GTPBP1: variants seen among roughly 807,000 people sequenced by gnomAD.
GTPBP1 encodes the protein GTP-binding protein 1.
In GTPBP1, 23 loss-of-function variants were observed where a neutral mutation model predicts 62.0. The observed-to-expected ratio is 0.37, with a 90% CI of 0.27 to 0.53. GTPBP1 has a LOEUF of 0.53. Ranked by LOEUF, GTPBP1 falls within the 20% of genes least tolerant of loss-of-function variation. GTPBP1 has a pLI of 0.89. For synonymous variants in GTPBP1, 344 were observed against 364.4 expected, an observed-to-expected ratio of 0.94 and a Z score of 0.64; for missense variants, 640 against 917.3, an observed-to-expected ratio of 0.70 and a Z score of 3.90.
chr22:38,742,249 G>A (rs373772857), downstream of GTPBP1: 53 of 1,530,116 alleles, frequency 3.5e-5, no homozygotes, highest in Non-Finnish European at 4.1e-5. Context: ...GCACCTTCAC[G>A]CTTTCCTATG....
chr22:38,740,439 C>A, downstream of GTPBP1: 2 of 1,484,678 alleles, frequency 1.3e-6, no homozygotes, highest in Non-Finnish European at 9.0e-7. This position sits in a 1 kb window ranked among gnomAD's most constrained non-coding sequence, Gnocchi z 4.8. Flanking sequence ...CATGCTGGTC[C>A]CAGAGAGAGA....
chr22:38,742,557 T>C, downstream of GTPBP1: 1 of 1,607,274 alleles, frequency 6.2e-7, no homozygotes. Context: ...CTGCTCAGCC[T>C]GGAAGGGCAG....
At chr22:38,715,774 A>G (rs1369116950) in intron 2 of GTPBP1, 133 bp from the exon 3 acceptor site, 9 of 680,634 alleles carry the variant, frequency 1.3e-5, no homozygotes, top group South Asian at 1.9e-5. Context: ...TCAGGTAGAG[A>G]GGACCCCTGT....
downstream of GTPBP1, chr22:38,736,349 T>C: frequency 6.2e-7 from 1 of 1,613,884 alleles, no homozygotes; most frequent in Non-Finnish European, 8.5e-7. Context: ...GATCCGCAGC[T>C]CCACCACCTG....
chr22:38,716,289 C>T lies in GTPBP1; in HGVS notation c.485+202C>T, dbSNP rs111254013. The T allele has an allele frequency of 1.5e-5, 9 of 597,288 alleles. No individual in the cohort carries two copies. The highest frequency in any genetic ancestry group is 5.6e-5 in the African/African-American group (3 of 53,856). 37.0% of individuals were successfully genotyped at this position (597,288 alleles called of 1,614,324 possible). On this transcript the variant is annotated intron_variant, in intron 3 of 11. Transcript: ENST00000216044. This position sits in a 1 kb window ranked among gnomAD's most constrained non-coding sequence, Gnocchi z 5.2. ...AAGAGCACGAGAGAGGCCAGCCGTG[C>T]ATTCTGTGGCCATTCTCTGTGGGTG...
chr22:38,718,083 C>T (rs1333908462), intron 4 of GTPBP1, among the ~76,000 whole-genome samples: 5 of 152,098 alleles, frequency 3.3e-5, no homozygotes, highest in Admixed American at 6.5e-5. Flanking sequence ...TGTGAACACT[C>T]GTAGGCTCTC....
chr22:38,738,123 C>T (rs1227871463), downstream of GTPBP1: 1 of 1,560,582 alleles, frequency 6.4e-7, no homozygotes, highest in Non-Finnish European at 8.8e-7. This position sits in a 1 kb window ranked among gnomAD's most constrained non-coding sequence, Gnocchi z 6.6. Context: ...GCACCTGCTG[C>T]CTGGATGGGG....
At chr22:38,722,693 A>G in intron 5 of GTPBP1, 1 of 1,590,736 alleles carries the variant, frequency 6.3e-7, no homozygotes. Context: ...GCAGGCTTCA[A>G]CTGTGTTTCT....
intron 5 of GTPBP1, 38 bp from the exon 6 acceptor site, chr22:38,724,259 C>A: frequency 8.3e-7 from 1 of 1,206,210 alleles, no homozygotes. Context: ...AAAGAGAAGG[C>A]TGTGTCCCCC....
downstream of GTPBP1, chr22:38,740,885 C>G: frequency 2.7e-6 from 3 of 1,129,910 alleles, no homozygotes; most frequent in Non-Finnish European, 3.9e-6. The surrounding 1 kb of genome is among the most constrained non-coding windows in gnomAD (Gnocchi z 4.8). Flanking sequence ...ACCCCTCCCC[C>G]TACCATCTGC....
downstream of GTPBP1, chr22:38,739,382 C>G: frequency 6.2e-7 from 1 of 1,613,182 alleles, no homozygotes; most frequent in Non-Finnish European, 8.5e-7. The surrounding 1 kb of genome is among the most constrained non-coding windows in gnomAD (Gnocchi z 6.7). Flanking sequence ...CGATGCGGTC[C>G]TCACTGTAGC....
downstream of GTPBP1, among the ~76,000 whole-genome samples, chr22:38,737,540 C>T (rs1475376577): frequency 6.6e-6 from 1 of 152,152 alleles, no homozygotes; most frequent in East Asian, 1.9e-4. The surrounding 1 kb of genome is among the most constrained non-coding windows in gnomAD (Gnocchi z 4.1). Flanking sequence ...CACTGCCTCC[C>T]CCAGGTCCCT....
chr22:38,717,479 C>T (rs2092677331), intron 4 of GTPBP1, among the ~76,000 whole-genome samples: 1 of 152,114 alleles, frequency 6.6e-6, no homozygotes, highest in African/African-American at 2.4e-5. Context: ...GGAGGAGGAT[C>T]GGCCAGTGCA....
intron 4 of GTPBP1, among the ~76,000 whole-genome samples, chr22:38,718,721 T>A (rs188443123): frequency 6.0e-4 from 92 of 152,330 alleles, no homozygotes; most frequent in Non-Finnish European, 3.4e-4. Flanking sequence ...CATGGCAGCT[T>A]TTCTTTCAAA....
At chr22:38,717,509 C>T (rs1200793332) in intron 4 of GTPBP1, among the ~76,000 whole-genome samples, 1 of 152,076 alleles carries the variant, frequency 6.6e-6, no homozygotes, top group Non-Finnish European at 1.5e-5. Flanking sequence ...TTGAGAGGCT[C>T]CTGTGTGTCT....
At chr22:38,722,780 T>C in intron 5 of GTPBP1, 4 of 1,603,084 alleles carry the variant, frequency 2.5e-6, no homozygotes, top group Non-Finnish European at 3.4e-6. Flanking sequence ...TGGAAGCAGC[T>C]GGATTTGGCT....
In GTPBP1 at chr22:38,726,202, GGGGGT is replaced by G. The variant is rs1569283943; in HGVS notation, c.1219-52_1219-48del. ...GTGGGCACTTCCTACAGTGGCATCA[GGGGGT>G]GGGTCTGTGCTGGGGATGCACTTAT... On this transcript the variant is annotated intron_variant, in intron 7 of 11. Coordinates refer to ENST00000216044, the MANE Select transcript of GTPBP1 (RefSeq NM_004286.5). The surrounding 1 kb of genome is among the most constrained non-coding windows in gnomAD (Gnocchi z 4.1). 6.2e-7 allele frequency: 1 copy of G among 1,609,302 alleles called. No individual in the cohort carries two copies. Among genetic ancestry groups the G allele is most frequent in the Non-Finnish European group, 8.5e-7 (1 of 1,176,102 alleles).
chr22:38,736,363 C>T (rs140261344), downstream of GTPBP1: 40 of 1,613,484 alleles, frequency 2.5e-5, no homozygotes, highest in Middle Eastern at 1.6e-4. Flanking sequence ...CCACCTGGTA[C>T]GTGGCCATCG....
chr22:38,740,099 A>T (rs1295638900), downstream of GTPBP1, among the ~76,000 whole-genome samples: 2 of 152,234 alleles, frequency 1.3e-5, no homozygotes, highest in African/African-American at 4.8e-5. This position sits in a 1 kb window ranked among gnomAD's most constrained non-coding sequence, Gnocchi z 4.8. Flanking sequence ...TAACAAAAAC[A>T]GGAAGAACGC....
Sources: gnomAD v4.1 joint callset for allele counts (sites outside exome capture counted in the v4.1 genomes callset) on GRCh38, gnomAD v4.1.1 for gene constraint, Gnocchi (gnomAD v3.1) non-coding constraint, MANE v1.5 for transcripts, NCBI Gene and HGNC (gene_info 2026-07-23, HGNC 2026-07-21) for gene names.